TSHR: variants seen among roughly 807,000 people sequenced by gnomAD.
The protein encoded by TSHR is thyrotropin receptor.
A neutral mutation model predicts 64.1 loss-of-function variants in TSHR; 51 were observed. That is an observed-to-expected ratio of 0.80 (90% CI 0.64 to 1.01). TSHR has a LOEUF of 1.01. Ranked by LOEUF, TSHR falls within the 50% of genes least tolerant of loss-of-function variation. TSHR has a pLI of 0.00. For missense variants in TSHR, 877 were observed against 942.8 expected, an observed-to-expected ratio of 0.93 and a Z score of 0.91; for synonymous variants, 361 against 361.9, an observed-to-expected ratio of 1.00 and a Z score of 0.03.
intron 3 of TSHR, among the ~76,000 whole-genome samples, chr14:81,083,183 C>A (rs1888034593): frequency 6.6e-6 from 1 of 152,128 alleles, no homozygotes; most frequent in East Asian, 1.9e-4. Context: ...TGCTGCAATG[C>A]TAGTCGTAAC....
intron 7 of TSHR, 53 bp from the exon 8 acceptor site, chr14:81,108,322 T>A: frequency 1.4e-6 from 2 of 1,399,748 alleles, no homozygotes; most frequent in Non-Finnish European, 2.0e-6. Context: ...TTGATGTGAT[T>A]TCTTAAAATC....
In TSHR at chr14:81,099,761, C is replaced by T. The variant is rs570840285; in HGVS notation, c.614+3054C>T. 3.3e-5 allele frequency among the ~76,000 whole-genome samples: 5 copies of T among 152,272 alleles called. No homozygotes were observed. In the South Asian group the frequency reaches 1.0e-3, roughly 32 times the overall value. On this transcript the variant is annotated intron_variant, in intron 7 of 9. Transcript: ENST00000298171. ...TTCAAGTCAAAGAATTGGTATTGAA[C>T]TTAGTTTACGTATATTGACTATTTT...
intron 7 of TSHR, among the ~76,000 whole-genome samples, chr14:81,102,373 T>G (rs1463879730): frequency 6.6e-6 from 1 of 152,158 alleles, no homozygotes; most frequent in Non-Finnish European, 1.5e-5. Flanking sequence ...CATGACTTAC[T>G]GTCTAACTAT....
rs150152364 is a variant in TSHR, at chr14:80,981,248, C to T, written c.170+25398C>T. ...GATACTATCTCAGCTTGGGAGGTGTCTCAGCCATCCAGTAGTTTAAATGCC... is the reference window on the plus strand; with the variant it reads ...GATACTATCTCAGCTTGGGAGGTGTTTCAGCCATCCAGTAGTTTAAATGCC... On this transcript the variant is annotated intron_variant, in intron 1 of 9. Coordinates refer to ENST00000298171, the MANE Select transcript of TSHR (RefSeq NM_000369.5). Among the ~76,000 whole-genome samples, 432 of 152,280 alleles carry T rather than the reference C, an allele frequency of 2.8e-3. 2 individuals are homozygous for T. Among genetic ancestry groups the T allele is most frequent in the African/African-American group, 9.9e-3 (411 of 41,552 alleles).
chr14:81,076,551 T>C (rs1391196171), intron 3 of TSHR, among the ~76,000 whole-genome samples: 2 of 152,182 alleles, frequency 1.3e-5, no homozygotes, highest in Non-Finnish European at 2.9e-5. Context: ...TACTCCTGTG[T>C]ATGTTGAGCC....
In TSHR at chr14:81,072,975, C is replaced by T. The variant is rs1297676827; in HGVS notation, c.317+4647C>T. Among the ~76,000 whole-genome samples the T allele has an allele frequency of 5.4e-4, 49 of 90,174 alleles. 2 individuals carry two copies. Among genetic ancestry groups the T allele is most frequent in the African/African-American group, 2.4e-3 (44 of 18,402 alleles). 59.2% of individuals were successfully genotyped at this position (90,174 alleles called of 152,430 possible). ...TCCCGCCACTGCACTCCAGCCTGGG[C>T]GACAGAGCGAGACTCCGTCTCAAAA... On this transcript the variant is annotated intron_variant, in intron 3 of 9. Coordinates refer to ENST00000298171, the MANE Select transcript of TSHR (RefSeq NM_000369.5).
chr14:81,035,596 G>T (rs963277152), intron 1 of TSHR, among the ~76,000 whole-genome samples: 3 of 152,156 alleles, frequency 2.0e-5, no homozygotes, highest in Non-Finnish European at 4.4e-5. Context: ...GAACTTCACA[G>T]GGGAATAAAT....
intron 1 of TSHR, among the ~76,000 whole-genome samples, chr14:80,990,074 T>A (rs1163494417): frequency 6.6e-6 from 1 of 152,250 alleles, no homozygotes; most frequent in African/African-American, 2.4e-5. Context: ...ACAAAAGCTA[T>A]ACTGGATTGA....
intron 1 of TSHR, among the ~76,000 whole-genome samples, chr14:81,030,559 G>A (rs1278467160): frequency 6.6e-6 from 1 of 152,118 alleles, no homozygotes; most frequent in Non-Finnish European, 1.5e-5. Flanking sequence ...AAATCAGGCA[G>A]GGAAATAAAT....
intron 1 of TSHR, among the ~76,000 whole-genome samples, chr14:80,973,741 T>TA (rs1299619493): frequency 1.3e-5 from 2 of 152,234 alleles, no homozygotes; most frequent in African/African-American, 4.8e-5. Context: ...TTTCTTATAA[T>TA]AATATTGGCT....
intron 8 of TSHR, among the ~76,000 whole-genome samples, chr14:81,138,763 TA>T (rs1357368516): frequency 6.6e-6 from 1 of 152,202 alleles, no homozygotes; most frequent in Non-Finnish European, 1.5e-5. Flanking sequence ...TTAATTATAT[TA>T]AATATTTTAA....
At chr14:81,019,692 G>A (rs1012465338) in intron 1 of TSHR, among the ~76,000 whole-genome samples, 2 of 150,802 alleles carry the variant, frequency 1.3e-5, no homozygotes, top group Admixed American at 1.3e-4. Context: ...TCCCACTTAC[G>A]AGTGAGAACA....
At chr14:81,113,766 A>G (rs552064940) in intron 8 of TSHR, among the ~76,000 whole-genome samples, 2 of 152,350 alleles carry the variant, frequency 1.3e-5, no homozygotes, top group East Asian at 3.9e-4. Flanking sequence ...GCTAATTCAA[A>G]TCACAAAATC....
chr14:81,135,772 G>A (rs939254551), intron 8 of TSHR, among the ~76,000 whole-genome samples: 1 of 152,196 alleles, frequency 6.6e-6, no homozygotes, highest in African/African-American at 2.4e-5. Context: ...TGAGTGGAGA[G>A]GCAGTGCTAG....
chr14:81,082,704 G>A (rs1887996698), intron 3 of TSHR, among the ~76,000 whole-genome samples: 1 of 152,094 alleles, frequency 6.6e-6, no homozygotes, highest in East Asian at 1.9e-4. Flanking sequence ...TAATATTCTT[G>A]TTCAATTTAT....
chr14:81,137,869 G>A (rs1891516784), intron 8 of TSHR, among the ~76,000 whole-genome samples: 1 of 152,200 alleles, frequency 6.6e-6, no homozygotes, highest in Admixed American at 6.5e-5. Flanking sequence ...GCAGGGAAAT[G>A]AGCCATGAGA....
At chr14:81,028,889 G>T (rs895041225) in intron 1 of TSHR, among the ~76,000 whole-genome samples, 5 of 151,754 alleles carry the variant, frequency 3.3e-5, no homozygotes, top group Admixed American at 2.0e-4. Flanking sequence ...TCTTTGAAAA[G>T]ACTAATAAAA....
intron 1 of TSHR, among the ~76,000 whole-genome samples, chr14:81,008,717 A>T (rs1027539847): frequency 6.6e-5 from 10 of 152,156 alleles, no homozygotes; most frequent in African/African-American, 2.4e-4. Context: ...CCAACTTCTT[A>T]TTTCCTGCAC....
intron 1 of TSHR, among the ~76,000 whole-genome samples, chr14:81,027,573 A>T (rs1338664651): frequency 1.3e-5 from 2 of 152,224 alleles, no homozygotes; most frequent in Non-Finnish European, 2.9e-5. Flanking sequence ...TCTCAGGGTA[A>T]CAAAGTATGA....
Sources: allele counts gnomAD v4.1 joint callset (sites outside exome capture counted in the v4.1 genomes callset), GRCh38; gene constraint gnomAD v4.1.1; transcripts MANE v1.5; gene names NCBI Gene and HGNC (gene_info 2026-07-23, HGNC 2026-07-21).